The following ITIH5 variants were observed in gnomAD, a reference collection of about 807,000 sequenced individuals.
ITIH5 encodes inter-alpha-trypsin inhibitor heavy chain H5.
Under a neutral mutation model 77.5 loss-of-function variants are expected in ITIH5, and 65 were observed. That is an observed-to-expected ratio of 0.84 (90% confidence interval 0.69 to 1.03). The LOEUF (loss-of-function observed/expected upper bound fraction) is 1.03, where lower values mean the gene tolerates loss of function less well. Among genes scored for constraint, ITIH5 ranks in the 50% least tolerant of loss-of-function variants. The pLI, the probability that ITIH5 is intolerant of heterozygous loss-of-function variation, is 0.00. For synonymous variants in ITIH5, 525 were observed against 494.3 expected (o/e 1.06, Z -0.82); for missense variants, 1,208 against 1,213.1 (o/e 1.00, Z 0.06).
In ITIH5 at chr10:7,579,912, T is replaced by G. The variant is rs36056263; in HGVS notation, c.1261A>C (p.Asn421His). 12,316 of 1,614,200 alleles carry G rather than the reference T, an allele frequency of 7.6e-3. 67 individuals carry two copies. Among genetic ancestry groups the G allele is most frequent in the Non-Finnish European group, 9.3e-3 (10,981 of 1,180,032 alleles). ...CCTCGGGCGGCCTCTCGGGTGTTGT[T>G]GAGGATCTTGAGGGTGTGCGTCTCC... Reference protein sequence around the residue: ...VGETHTLKILNNTREAARGQV... With the variant: ...VGETHTLKILHNTREAARGQV... Residue 421 changes from asparagine to histidine, a missense_variant, in exon 9 of 14, where the codon AAC (asparagine) becomes CAC (histidine). Coordinates refer to ENST00000397146, the MANE Select transcript of ITIH5 (RefSeq NM_030569.7).
At chr10:7,660,524 G>A (rs993733040) in intron 1 of ITIH5, among the ~76,000 whole-genome samples, 1 of 152,210 alleles carries the variant, frequency 6.6e-6, no homozygotes, top group Non-Finnish European at 1.5e-5. Context: ...CATCAGAGCT[G>A]TGGAGTGTGG....
Position 7,562,978 on chromosome 10 carries a change from G to T in ITIH5, c.*105C>A. ...CACCAGGGGTGGGTCATGGAGTCCA[G>T]CTAATTGCCAGGAGCTGAGGCGTGT... is the stretch of plus-strand genomic sequence containing the variant. On this transcript the variant is annotated 3_prime_UTR_variant, in exon 14 of 14. Coordinates refer to ENST00000397146, the MANE Select transcript of ITIH5 (RefSeq NM_030569.7). The T allele has an allele frequency of 2.2e-6, 2 of 900,818 alleles. No individual in the cohort carries two copies. Among genetic ancestry groups the T allele is most frequent in the Non-Finnish European group, 3.5e-6 (2 of 578,774 alleles). The allele number at this position is 900,818 out of a possible 1,614,324, so 55.8% of individuals were successfully genotyped here. A position where few individuals can be genotyped will look rare whatever the true frequency, so the allele number is the denominator to read the frequency against.
intron 4 of ITIH5, 98 bp from the exon 5 acceptor site, chr10:7,637,576 A>G: frequency 1.6e-6 from 2 of 1,248,106 alleles, no homozygotes; most frequent in Non-Finnish European, 2.2e-6. Flanking sequence ...CCTCTCAACC[A>G]GCCTGCCAGG....
chr10:7,577,031 G>C lies in ITIH5; in HGVS notation c.1419-19C>G, dbSNP rs564628642. The C allele has an allele frequency of 1.3e-6, 2 of 1,588,214 alleles. No homozygotes were observed. Among genetic ancestry groups the C allele is most frequent in the East Asian group, 2.2e-5 (1 of 44,538 alleles). On this transcript the variant is annotated intron_variant, in intron 9 of 13. Coordinates refer to ENST00000397146, the MANE Select transcript of ITIH5 (RefSeq NM_030569.7). ...GTAGAACCTGCAGTGGAAGCACAGG[G>C]AGGGAGGGAGATCAGGGCCCTGCTC...
chr10:7,610,048 CCTTT>C (rs898198385), intron 7 of ITIH5, among the ~76,000 whole-genome samples: 7 of 149,400 alleles, frequency 4.7e-5, no homozygotes, highest in South Asian at 4.3e-4. Flanking sequence ...CTCCCCCCTC[CCTTT>C]CTTTTTTTTC....
At chr10:7,602,677 G>A (rs4086762) in intron 7 of ITIH5, among the ~76,000 whole-genome samples, 142,942 of 152,210 alleles carry the variant, frequency 0.94, 67,630 homozygotes, top group Non-Finnish European at 1. Flanking sequence ...AAATTACTCA[G>A]TCTCGGGTAT....
At chr10:7,623,136 C>T (rs558246866) in intron 5 of ITIH5, among the ~76,000 whole-genome samples, 4 of 152,322 alleles carry the variant, frequency 2.6e-5, no homozygotes, top group African/African-American at 9.6e-5. Flanking sequence ...CAGCCACGGG[C>T]TGGAAGCGCC....
intron 3 of ITIH5, among the ~76,000 whole-genome samples, chr10:7,641,541 G>GGAAA (rs1478431279): frequency 6.7e-6 from 1 of 149,292 alleles, no homozygotes; most frequent in African/African-American, 2.5e-5. Flanking sequence ...AGGGGAGGAA[G>GGAAA]GAAAGAAAGA....
chr10:7,632,925 G>T (rs1833735723), intron 5 of ITIH5, among the ~76,000 whole-genome samples: 1 of 152,102 alleles, frequency 6.6e-6, no homozygotes, highest in Non-Finnish European at 1.5e-5. Context: ...TGGAATCATG[G>T]CAGGGGTAGT....
Position 7,629,359 on chromosome 10 carries a change from CTGTTGTAGCGTGTGTCCA to C in ITIH5, c.652+7851_652+7868del, listed in dbSNP as rs1564269805. Among the ~76,000 whole-genome samples, 100 of 36,932 alleles carry C rather than the reference CTGTTGTAGCGTGTGTCCA, an allele frequency of 2.7e-3. 10 individuals are homozygous for C. The East Asian group carries it at 0.033, about 12-fold the overall frequency. 24.2% of individuals were successfully genotyped at this position (36,932 alleles called of 152,430 possible). A position where few individuals can be genotyped will look rare whatever the true frequency, so the allele number is the denominator to read the frequency against. ...TGTGCCCATGTTGTAGCGTGTGTCCCTGTTGTAGCGTGTGTCCATGTTGTAGCGTGTGTCCATGTTGTA... is the reference window on the plus strand; with the variant it reads ...TGTGCCCATGTTGTAGCGTGTGTCCCTGTTGTAGCGTGTGTCCATGTTGTA... On this transcript the variant is annotated intron_variant, in intron 5 of 13. Coordinates refer to ENST00000397146, the MANE Select transcript of ITIH5 (RefSeq NM_030569.7).
At chr10:7,666,438 T>C (rs1296124500) in intron 1 of ITIH5, among the ~76,000 whole-genome samples, 1 of 152,096 alleles carries the variant, frequency 6.6e-6, no homozygotes, top group African/African-American at 2.4e-5. Flanking sequence ...CTGGGAATGA[T>C]GATAACAGCA....
At chr10:7,612,912 T>C (rs1252193590) in intron 7 of ITIH5, among the ~76,000 whole-genome samples, 4 of 152,166 alleles carry the variant, frequency 2.6e-5, no homozygotes, top group African/African-American at 7.2e-5. Flanking sequence ...GCCATCAATG[T>C]CACAAAACAA....
chr10:7,603,566 C>T (rs180997856), intron 7 of ITIH5, among the ~76,000 whole-genome samples: 157 of 152,198 alleles, frequency 1.0e-3, no homozygotes, highest in African/African-American at 3.4e-3. Flanking sequence ...ATCTCAACAA[C>T]GCTGATACGG....
chr10:7,581,540 A>G (rs926322945), intron 8 of ITIH5, among the ~76,000 whole-genome samples: 1 of 152,056 alleles, frequency 6.6e-6, no homozygotes, highest in Non-Finnish European at 1.5e-5. Flanking sequence ...GTGTGAGAAC[A>G]TGAGCAGGCT....
chr10:7,567,907 C>T (rs944774431), intron 12 of ITIH5, among the ~76,000 whole-genome samples: 1 of 152,182 alleles, frequency 6.6e-6, no homozygotes, highest in East Asian at 1.9e-4. Flanking sequence ...ATTTCCTTAT[C>T]TGTAAAATGG....
At position 7,628,811 on chromosome 10, in the gene ITIH5, A is replaced by G. The variant is rs1177502614; in HGVS notation, c.652+8417T>C. On this transcript the variant is annotated intron_variant, in intron 5 of 13. Transcript: ENST00000397146. ...TTATCATATGTATCTGTGTTTTTGC[A>G]TGTGTCCATGTTGTAGCGTGTGTCC... Among the ~76,000 whole-genome samples, 20 of 94,884 alleles carry G rather than the reference A, an allele frequency of 2.1e-4. 3 individuals are homozygous for G. Among genetic ancestry groups the G allele is most frequent in the Admixed American group, 1.8e-3 (18 of 10,260 alleles). The allele number at this position is 94,884 out of a possible 152,430, so 62.2% of individuals were successfully genotyped here.
At chr10:7,611,065 T>C (rs1202052591) in intron 7 of ITIH5, among the ~76,000 whole-genome samples, 1 of 152,278 alleles carries the variant, frequency 6.6e-6, no homozygotes, top group African/African-American at 2.4e-5. Context: ...TTGTATCCAT[T>C]TGCACTTCTG....
intron 13 of ITIH5, among the ~76,000 whole-genome samples, chr10:7,564,559 C>T (rs1021871470): frequency 2.6e-5 from 4 of 152,018 alleles, no homozygotes; most frequent in Non-Finnish European, 5.9e-5. Flanking sequence ...AGGTTTGCAG[C>T]CCGGGAGCAA....
rs151258654 is a variant in ITIH5 at position 7,629,981 on chromosome 10, C to T, written c.652+7247G>A. Among the ~76,000 whole-genome samples, 10 of 152,158 alleles carry T rather than the reference C, an allele frequency of 6.6e-5. No homozygotes were observed. The East Asian group carries it at 7.7e-4, about 12-fold the overall frequency. On this transcript the variant is annotated intron_variant, in intron 5 of 13. Transcript: ENST00000397146. Reference sequence around the variant, plus strand: ...GAATTTGAATGTATTGGGGGGGCTACGGAGCTGTACTTTTGGGTGTGATAT... The same window carrying T: ...GAATTTGAATGTATTGGGGGGGCTATGGAGCTGTACTTTTGGGTGTGATAT...
Sources: gnomAD v4.1 joint callset for allele counts (sites outside exome capture counted in the v4.1 genomes callset) on GRCh38, gnomAD v4.1.1 for gene constraint, MANE v1.5 for transcripts, NCBI Gene and HGNC (gene_info 2026-07-23, HGNC 2026-07-21) for gene names.